Variants in C3orf33 observed in about 807,000 individuals in gnomAD.
C3orf33 encodes the protein AP-1 activity suppressor.
A neutral mutation model predicts 28.7 loss-of-function variants in C3orf33; 23 were observed. The observed-to-expected ratio is 0.80, with a 90% CI of 0.58 to 1.13. The LOEUF (loss-of-function observed/expected upper bound fraction) is 1.13, where lower values mean the gene tolerates loss of function less well. Ranked by LOEUF, C3orf33 falls within the 50% of genes most tolerant of loss-of-function variation. The pLI is 0.00. For missense variants in C3orf33, 327 were observed against 353.4 expected (o/e 0.93, Z 0.60); for synonymous variants, 119 against 120.5 (o/e 0.99, Z 0.08).
intron 4 of C3orf33, among the ~76,000 whole-genome samples, chr3:155,765,574 G>C (rs1750378313): frequency 6.6e-6 from 1 of 152,052 alleles, no homozygotes. Flanking sequence ...TTGAAGCGGA[G>C]TCTCACTCTG....
intron 2 of C3orf33, among the ~76,000 whole-genome samples, chr3:155,785,242 AATAG>A (rs1751063567): frequency 6.6e-6 from 1 of 152,158 alleles, no homozygotes; most frequent in Non-Finnish European, 1.5e-5. Context: ...TGAAGGGAGA[AATAG>A]ATAATTTTGC....
intron 2 of C3orf33, among the ~76,000 whole-genome samples, chr3:155,793,223 A>C (rs1751367261): frequency 6.6e-6 from 1 of 150,554 alleles, no homozygotes; most frequent in Non-Finnish European, 1.5e-5. Flanking sequence ...AAAAAAAAAA[A>C]CCTGTAATTA....
chr3:155,801,046 A>C (rs7637461), intron 2 of C3orf33, among the ~76,000 whole-genome samples: 125,336 of 152,088 alleles, frequency 0.82, 51,831 homozygotes, highest in African/African-American at 0.87. Context: ...TAAAAATAGG[A>C]CGGGTGTTGT....
intron 2 of C3orf33, among the ~76,000 whole-genome samples, chr3:155,776,343 C>T (rs181245023): frequency 6.6e-5 from 10 of 151,876 alleles, no homozygotes; most frequent in African/African-American, 1.7e-4. Flanking sequence ...AAAAGAAAAA[C>T]GAAAAAAAGG....
intron 2 of C3orf33, among the ~76,000 whole-genome samples, chr3:155,801,390 A>G (rs1164059423): frequency 6.6e-6 from 1 of 152,162 alleles, no homozygotes; most frequent in Non-Finnish European, 1.5e-5. Context: ...CAAAATAACT[A>G]AAAGTAGGAT....
chr3:155,774,146 C>T (rs988354589), intron 3 of C3orf33, among the ~76,000 whole-genome samples: 1 of 152,162 alleles, frequency 6.6e-6, no homozygotes. Context: ...TTTACCAAGT[C>T]TCTATTGGCT....
chr3:155,803,577 A>AAG (rs1336641443), intron 1 of C3orf33, among the ~76,000 whole-genome samples: 1 of 147,920 alleles, frequency 6.8e-6, no homozygotes, highest in East Asian at 2.0e-4. Context: ...AAAAAAAAAA[A>AAG]AAAAAAAAGA....
intron 4 of C3orf33, among the ~76,000 whole-genome samples, chr3:155,765,935 A>G (rs1046926812): frequency 6.9e-6 from 1 of 144,230 alleles, no homozygotes; most frequent in Non-Finnish European, 1.5e-5. Context: ...AAAGTACTGA[A>G]TATCATCTGG....
chr3:155,795,629 A>G (rs1417815020), intron 2 of C3orf33, among the ~76,000 whole-genome samples: 1 of 152,140 alleles, frequency 6.6e-6, no homozygotes, highest in Admixed American at 6.5e-5. Context: ...CAACAAAAAG[A>G]TTAAGAAAGA....
At position 155,775,761 on chromosome 3, in the gene C3orf33, C is replaced by T; in HGVS notation, c.262G>A (p.Glu88Lys). 6.3e-7 allele frequency: 1 copy of T among 1,593,544 alleles called. No homozygotes were observed. The highest frequency in any genetic ancestry group is 8.6e-7 in the Non-Finnish European group (1 of 1,162,810). ...ATATGTTCAATTTCTAAACCATTCTCAGTTATTCGGCGTAATCGTCCACGT... is the reference window on the plus strand; with the variant it reads ...ATATGTTCAATTTCTAAACCATTCTTAGTTATTCGGCGTAATCGTCCACGT... ...KLRGRLRRIT[E>K]NGLEIEHIPI... Residue 88 changes from glutamate to lysine, a missense_variant, in exon 3 of 5, where the codon GAG becomes AAG. Transcript: ENST00000340171.
chr3:155,781,768 C>CAAAAA (rs36059033), intron 2 of C3orf33, among the ~76,000 whole-genome samples: 1 of 64,524 alleles, frequency 1.5e-5, no homozygotes, highest in Non-Finnish European at 2.9e-5. Flanking sequence ...GACTCTATCT[C>CAAAAA]AAAAAAAAAA....
At chr3:155,797,580 T>C (rs973506783) in intron 2 of C3orf33, among the ~76,000 whole-genome samples, 3 of 152,194 alleles carry the variant, frequency 2.0e-5, no homozygotes, top group Non-Finnish European at 4.4e-5. Flanking sequence ...CAAAAGACTA[T>C]TGGAACTGAT....
intron 3 of C3orf33, among the ~76,000 whole-genome samples, chr3:155,772,007 G>C (rs1750607128): frequency 6.6e-6 from 1 of 151,952 alleles, no homozygotes; most frequent in South Asian, 2.1e-4. Context: ...AGTTCAAGAA[G>C]GGCAAGGGCA....
intron 2 of C3orf33, among the ~76,000 whole-genome samples, chr3:155,799,821 C>T (rs1751588145): frequency 6.6e-6 from 1 of 152,238 alleles, no homozygotes; most frequent in South Asian, 2.1e-4. Flanking sequence ...CAGAGAGAGA[C>T]AAACTTTGCA....
intron 4 of C3orf33, among the ~76,000 whole-genome samples, chr3:155,765,314 T>C (rs575919765): frequency 3.3e-5 from 5 of 152,296 alleles, no homozygotes; most frequent in Admixed American, 3.3e-4. Flanking sequence ...AGCAACAACC[T>C]GTAGAGTGGT....
chr3:155,767,560 T>C lies in C3orf33; in HGVS notation c.432A>G (p.Gln144=). 6.3e-7 allele frequency: 1 copy of C among 1,596,848 alleles called. No homozygotes were observed. The highest frequency in any genetic ancestry group is 8.6e-7 in the Non-Finnish European group (1 of 1,169,298). Reference sequence around the variant, plus strand: ...GTGCTGAATTCTCCTTTCCAAGAAGTTGGAACCATAGTAATTGGGAAGGTT... The same window carrying C: ...GTGCTGAATTCTCCTTTCCAAGAAGCTGGAACCATAGTAATTGGGAAGGTT... ...ELKPSQLLWF[Q]LLGKENSALF... Residue 144 remains glutamine (Q), a synonymous_variant, in exon 4 of 5, where the codon CAA becomes CAG. Transcript: ENST00000340171.
At chr3:155,804,859 T>C (rs1023958000) in intron 1 of C3orf33, among the ~76,000 whole-genome samples, 4 of 152,182 alleles carry the variant, frequency 2.6e-5, no homozygotes, top group African/African-American at 7.2e-5. Flanking sequence ...CCGGACCCCA[T>C]ATCCAGTTGC....
chr3:155,795,780 AC>A (rs1448356404), intron 2 of C3orf33, among the ~76,000 whole-genome samples: 3 of 151,544 alleles, frequency 2.0e-5, no homozygotes, highest in Non-Finnish European at 4.4e-5. Flanking sequence ...ACACAGTGAA[AC>A]CCTGTCTCTA....
chr3:155,802,230 A>G lies in C3orf33; in HGVS notation c.174+302T>C, dbSNP rs565927255. Among the ~76,000 whole-genome samples the G allele has an allele frequency of 1.7e-4, 26 of 152,374 alleles. No individual in the cohort carries two copies. The South Asian group carries it at 5.4e-3, about 32-fold the overall frequency. Reference sequence around the variant, plus strand: ...AAGAAAACACTTTAAGATATTCTACAGTGTTTGAAATGCAAATTTAGTGAT... The same window carrying G: ...AAGAAAACACTTTAAGATATTCTACGGTGTTTGAAATGCAAATTTAGTGAT... On this transcript the variant is annotated intron_variant, in intron 2 of 4. Coordinates refer to ENST00000340171, the MANE Select transcript of C3orf33 (RefSeq NM_001308229.2).
Sources: allele counts gnomAD v4.1 joint callset (sites outside exome capture counted in the v4.1 genomes callset), GRCh38; gene constraint gnomAD v4.1.1; transcripts MANE v1.5; gene names NCBI Gene and HGNC (gene_info 2026-07-23, HGNC 2026-07-21).